CARD19: variants seen among roughly 807,000 people sequenced by gnomAD.
CARD19 encodes the protein caspase recruitment domain-containing protein 19.
In CARD19, 25 loss-of-function variants were observed where a neutral mutation model predicts 24.1. The ratio of observed to expected loss-of-function variants is 1.04; its 90% CI spans 0.76 to 1.45. CARD19 has a LOEUF of 1.45. Ranked by LOEUF, CARD19 falls within the 40% of genes most tolerant of loss-of-function variation. The pLI is 0.00. For synonymous variants in CARD19, 103 were observed against 104.9 expected, an observed-to-expected ratio of 0.98 and a Z score of 0.11; for missense variants, 241 against 247.4, an observed-to-expected ratio of 0.97 and a Z score of 0.17.
chr9:93,112,912 A>C, intron 5 of CARD19, 80 bp from the exon 6 acceptor site: 18 of 957,178 alleles, frequency 1.9e-5, no homozygotes, highest in Non-Finnish European at 2.5e-5. Context: ...GTTCCCACCC[A>C]CCCCCGCAGG....
Position 93,113,191 on chromosome 9 carries a change from C to G in CARD19, c.*84C>G. ...GCCAAGGGGACTGCTGCTTCTTTTT[C>G]TAAATGCATATTTTTCATTATTTAT... On this transcript the variant is annotated 3_prime_UTR_variant, in exon 6 of 6. Transcript: ENST00000375464. 1 of 756,632 alleles carries G rather than the reference C, an allele frequency of 1.3e-6. No individual in the cohort carries two copies. The highest frequency in any genetic ancestry group is 2.1e-6 in the Non-Finnish European group (1 of 470,444). 46.9% of individuals were successfully genotyped at this position (756,632 alleles called of 1,614,324 possible). A position where few individuals can be genotyped will look rare whatever the true frequency, so the allele number is the denominator to read the frequency against.
intron 2 of CARD19, 124 bp from the exon 3 acceptor site, chr9:93,110,444 A>G: frequency 6.8e-7 from 1 of 1,474,816 alleles, no homozygotes; most frequent in Non-Finnish European, 9.0e-7. Flanking sequence ...AGGAGCTGCC[A>G]TCCAGCAGGT....
chr9:93,101,354 C>T (rs1182027221), intron 1 of CARD19, among the ~76,000 whole-genome samples: 2 of 152,120 alleles, frequency 1.3e-5, no homozygotes, highest in Non-Finnish European at 2.9e-5. Flanking sequence ...GCTGGGATGA[C>T]AGGTGTGAGC....
chr9:93,110,859 G>A, intron 3 of CARD19, 138 bp downstream of exon 3: 4 of 1,533,762 alleles, frequency 2.6e-6, no homozygotes, highest in Non-Finnish European at 3.5e-6. Context: ...TCTCGCCTCA[G>A]CCCCTCCCCA....
At chr9:93,111,074 C>G (rs1222738823) in intron 3 of CARD19, 4 of 1,338,950 alleles carry the variant, frequency 3.0e-6, no homozygotes, top group Non-Finnish European at 3.9e-6. Flanking sequence ...TGGACAGCAA[C>G]CTTGTTCCCA....
At chr9:93,111,029 T>G in intron 3 of CARD19, 2 of 1,431,670 alleles carry the variant, frequency 1.4e-6, no homozygotes, top group Non-Finnish European at 9.3e-7. Context: ...CTTCCTTTTC[T>G]AACCTCATTC....
Position 93,111,877 on chromosome 9 carries a change from A to G in CARD19, c.305-2A>G. The G allele has an allele frequency of 1.2e-6, 2 of 1,611,694 alleles. No individual in the cohort carries two copies. Among genetic ancestry groups the G allele is most frequent in the South Asian group, 2.2e-5 (2 of 90,914 alleles). ...AACTATGCTCTGTGGTTTTGTTTCCAGAGAACTCAGATTGCACAGAGCTAG... is the reference window on the plus strand; with the variant it reads ...AACTATGCTCTGTGGTTTTGTTTCCGGAGAACTCAGATTGCACAGAGCTAG... On this transcript the variant is annotated splice_acceptor_variant, in intron 3 of 5. Coordinates refer to ENST00000375464, the MANE Select transcript of CARD19 (RefSeq NM_032310.5). LOFTEE classifies it high-confidence loss of function.
In CARD19 at chr9:93,107,579, G is replaced by A. The variant is rs73522749; in HGVS notation, c.8-95G>A. ...CCCTCCTGGTGGGAACCCACCTTGG[G>A]GGTGATGCCTTCCTGTGGTCAGTGT... On this transcript the variant is annotated intron_variant, in intron 1 of 5. Transcript: ENST00000375464. The A allele has an allele frequency of 2.9e-3, 4,153 of 1,451,536 alleles. 110 individuals carry two copies. The African/African-American group carries it at 0.052, about 18-fold the overall frequency. The allele number at this position is 1,451,536 out of a possible 1,614,324, so 89.9% of individuals were successfully genotyped here.
Position 93,113,184 on chromosome 9 carries a change from T to G in CARD19, c.*77T>G, listed in dbSNP as rs567906674. On this transcript the variant is annotated 3_prime_UTR_variant, in exon 6 of 6. Transcript: ENST00000375464. ...CCGGCCCGCCAAGGGGACTGCTGCT[T>G]CTTTTTCTAAATGCATATTTTTCAT... 6.2e-4 allele frequency: 523 copies of G among 845,534 alleles called. 1 individual carries two copies. The African/African-American group carries it at 7.0e-3, about 11-fold the overall frequency. 52.4% of individuals were successfully genotyped at this position (845,534 alleles called of 1,614,324 possible). A position where few individuals can be genotyped will look rare whatever the true frequency, so the allele number is the denominator to read the frequency against.
At chr9:93,097,216 G>C (rs1017829409) in intron 1 of CARD19, among the ~76,000 whole-genome samples, 12 of 152,024 alleles carry the variant, frequency 7.9e-5, no homozygotes, top group African/African-American at 2.9e-4. Flanking sequence ...AATTGGCTCA[G>C]GGGCTCAGGG....
intron 1 of CARD19, among the ~76,000 whole-genome samples, chr9:93,098,740 G>C (rs1477482271): frequency 2.6e-5 from 4 of 152,184 alleles, no homozygotes; most frequent in Non-Finnish European, 5.9e-5. Context: ...CGTGCGGCCT[G>C]TGCCAGCTGA....
intron 1 of CARD19, among the ~76,000 whole-genome samples, chr9:93,097,307 A>G (rs182544123): frequency 1.3e-5 from 2 of 151,992 alleles, no homozygotes; most frequent in Admixed American, 6.5e-5. Context: ...ATAGGATCTC[A>G]TGGGCTGGAA....
chr9:93,102,915 A>T (rs1395209078), intron 1 of CARD19, among the ~76,000 whole-genome samples: 1 of 151,838 alleles, frequency 6.6e-6, no homozygotes, highest in Non-Finnish European at 1.5e-5. Flanking sequence ...TGTTTTCTTA[A>T]TTTTTGGATT....
chr9:93,112,146 G>T, intron 4 of CARD19, 72 bp from the exon 5 acceptor site: 9 of 1,468,498 alleles, frequency 6.1e-6, no homozygotes, highest in Non-Finnish European at 8.3e-6. Context: ...ACTCCCCTGC[G>T]CAGCCCCCAG....
intron 1 of CARD19, among the ~76,000 whole-genome samples, chr9:93,098,900 CTTTTTT>C (rs10693165): frequency 8.3e-6 from 1 of 120,456 alleles, no homozygotes; most frequent in African/African-American, 3.2e-5. Context: ...TTGCAGAACT[CTTTTTT>C]TTTTTTTTTT....
intron 1 of CARD19, among the ~76,000 whole-genome samples, chr9:93,105,177 T>TGC (rs1431471518): frequency 8.4e-6 from 1 of 119,322 alleles, no homozygotes; most frequent in Non-Finnish European, 1.7e-5. Flanking sequence ...TGTGTGTGTG[T>TGC]GCACGCGCGT....
chr9:93,098,193 C>T (rs1029040255), intron 1 of CARD19, among the ~76,000 whole-genome samples: 10 of 152,168 alleles, frequency 6.6e-5, no homozygotes, highest in African/African-American at 2.2e-4. Flanking sequence ...GGAAGAAATT[C>T]GGGAGAGGAG....
intron 5 of CARD19, among the ~76,000 whole-genome samples, 163 bp downstream of exon 5, chr9:93,112,452 G>T (rs1383842896): frequency 6.6e-6 from 1 of 152,230 alleles, no homozygotes; most frequent in African/African-American, 2.4e-5. Context: ...TGAGAAAGGG[G>T]ATGTGAGGAG....
At chr9:93,106,856 G>C (rs1004898342) in intron 1 of CARD19, among the ~76,000 whole-genome samples, 10 of 152,120 alleles carry the variant, frequency 6.6e-5, no homozygotes, top group Non-Finnish European at 1.0e-4. Context: ...TGATGCACTT[G>C]TTCAGTCCCT....
Sources: allele counts gnomAD v4.1 joint callset (sites outside exome capture counted in the v4.1 genomes callset), GRCh38; gene constraint gnomAD v4.1.1; transcripts MANE v1.5; gene names NCBI Gene and HGNC (gene_info 2026-07-23, HGNC 2026-07-21).